Variants in CPEB3 observed in about 807,000 individuals in gnomAD.
CPEB3 encodes cytoplasmic polyadenylation element-binding protein 3.
In CPEB3, 20 loss-of-function variants were observed where a neutral mutation model predicts 67.2. That is an observed-to-expected ratio of 0.30 (90% CI 0.21 to 0.43). The LOEUF (loss-of-function observed/expected upper bound fraction) is 0.43. Ranked by LOEUF, CPEB3 falls within the 20% of genes least tolerant of loss-of-function variation. CPEB3 has a pLI of 1.00. For missense variants in CPEB3, 746 were observed against 968.6 expected (o/e 0.77, Z 3.05); for synonymous variants, 376 against 393.1 (o/e 0.96, Z 0.51).
intron 6 of CPEB3, among the ~76,000 whole-genome samples, chr10:92,135,000 T>C (rs567654513): frequency 6.6e-6 from 1 of 152,238 alleles, no homozygotes; most frequent in South Asian, 2.1e-4. Context: ...TTACAACTTA[T>C]ACAAAAATTA....
At chr10:92,145,157 G>A (rs1372737941) in intron 4 of CPEB3, 72 bp from the exon 5 acceptor site, 3 of 1,553,550 alleles carry the variant, frequency 1.9e-6, no homozygotes, top group Non-Finnish European at 2.7e-6. Flanking sequence ...GATTTTCTAG[G>A]ACAATAAATG....
At chr10:92,165,743 A>G (rs1318875000) in intron 4 of CPEB3, among the ~76,000 whole-genome samples, 1 of 152,164 alleles carries the variant, frequency 6.6e-6, no homozygotes, top group Admixed American at 6.5e-5. Flanking sequence ...AGTAGACTCT[A>G]CCTTAAGAAA....
chr10:92,229,233 T>C (rs1019864356), intron 2 of CPEB3, among the ~76,000 whole-genome samples: 1 of 151,952 alleles, frequency 6.6e-6, no homozygotes, highest in Non-Finnish European at 1.5e-5. Flanking sequence ...AGGGTCTCAC[T>C]ATGTTGCCCA....
intron 6 of CPEB3, among the ~76,000 whole-genome samples, chr10:92,118,223 C>T (rs1044060093): frequency 3.1e-4 from 47 of 152,238 alleles, no homozygotes; most frequent in Middle Eastern, 3.4e-3. Context: ...CCTCTGCCTC[C>T]GGGGTTCAGG....
intron 1 of CPEB3, among the ~76,000 whole-genome samples, chr10:92,242,855 G>C (rs1234762512): frequency 6.6e-6 from 1 of 152,066 alleles, no homozygotes; most frequent in Non-Finnish European, 1.5e-5. Context: ...TTTGCTTTCT[G>C]CATAAATTCA....
intron 6 of CPEB3, among the ~76,000 whole-genome samples, chr10:92,142,252 G>T (rs750340547): frequency 2.6e-5 from 4 of 152,086 alleles, no homozygotes; most frequent in Non-Finnish European, 5.9e-5. Context: ...ATCTTTTTGT[G>T]CTGAGTAATA....
At chr10:92,219,917 G>T (rs1850610890) in intron 2 of CPEB3, among the ~76,000 whole-genome samples, 1 of 152,178 alleles carries the variant, frequency 6.6e-6, no homozygotes, top group East Asian at 1.9e-4. Context: ...CAACACTTTG[G>T]GAGGCTGAAG....
At chr10:92,184,730 G>A (rs1202739573) in intron 3 of CPEB3, among the ~76,000 whole-genome samples, 1 of 152,106 alleles carries the variant, frequency 6.6e-6, no homozygotes. Context: ...ATCATTCACA[G>A]CATCTTTAAG....
chr10:92,216,070 C>T (rs1346917002), intron 2 of CPEB3, among the ~76,000 whole-genome samples: 2 of 139,860 alleles, frequency 1.4e-5, no homozygotes, highest in Non-Finnish European at 3.0e-5. Flanking sequence ...TTTTAATAAG[C>T]GAAGATATCA....
chr10:92,162,207 C>T (rs770459946), intron 4 of CPEB3, among the ~76,000 whole-genome samples: 24 of 151,576 alleles, frequency 1.6e-4, no homozygotes, highest in Middle Eastern at 3.2e-3. Context: ...AGAGCCCATA[C>T]GAATTACCTC....
chr10:92,273,339 C>A (rs1853384971), intron 1 of CPEB3, among the ~76,000 whole-genome samples: 1 of 151,924 alleles, frequency 6.6e-6, no homozygotes, highest in African/African-American at 2.4e-5. Flanking sequence ...TTTTGTATCC[C>A]CAGTATCTCC....
intron 1 of CPEB3, among the ~76,000 whole-genome samples, chr10:92,253,440 C>A (rs1175050795): frequency 3.1e-5 from 3 of 96,900 alleles, no homozygotes; most frequent in Non-Finnish European, 5.6e-5. Context: ...AGCCTGACAA[C>A]AGAGCAAGAC....
At chr10:92,282,428 G>A (rs1194164451) in intron 1 of CPEB3, among the ~76,000 whole-genome samples, 2 of 152,134 alleles carry the variant, frequency 1.3e-5, no homozygotes, top group East Asian at 1.9e-4. Context: ...AGTGGCTCAC[G>A]CCTGTAATCC....
chr10:92,179,270 G>C (rs192071236), intron 4 of CPEB3, among the ~76,000 whole-genome samples: 1 of 152,004 alleles, frequency 6.6e-6, no homozygotes, highest in African/African-American at 2.4e-5. Flanking sequence ...TAAAAGCAGA[G>C]AATTAAAGAA....
At chr10:92,221,332 A>G (rs11818808) in intron 2 of CPEB3, among the ~76,000 whole-genome samples, 19,415 of 152,032 alleles carry the variant, frequency 0.13, 1,426 homozygotes, top group Middle Eastern at 0.21. Context: ...ATCTGTACTA[A>G]AAATACAAAA....
At chr10:92,102,036 A>G (rs1378210222) in intron 7 of CPEB3, among the ~76,000 whole-genome samples, 1 of 152,234 alleles carries the variant, frequency 6.6e-6, no homozygotes, top group Non-Finnish European at 1.5e-5. Flanking sequence ...TAGACTCTTT[A>G]CAGCACACTG....
intron 8 of CPEB3, among the ~76,000 whole-genome samples, chr10:92,086,741 T>TATG (rs1222835875): frequency 6.6e-6 from 1 of 152,234 alleles, no homozygotes; most frequent in African/African-American, 2.4e-5. Context: ...GGCCTGGTTT[T>TATG]ATGCTCTATA....
At position 92,058,424 on chromosome 10, in the gene CPEB3, C is replaced by G. The variant is rs564478071; in HGVS notation, c.1870-5985G>C. ...AATTAGCAGGCATGGTGGCAAGTAA[C>G]TGTAATCCCAGCTACCCAGGAGGCT... On this transcript the variant is annotated intron_variant, in intron 9 of 9. Transcript: ENST00000265997. Among the ~76,000 whole-genome samples the G allele has an allele frequency of 1.0e-3, 159 of 152,162 alleles. 1 individual carries two copies. Among genetic ancestry groups the G allele is most frequent in the African/African-American group, 3.7e-3 (154 of 41,512 alleles).
intron 6 of CPEB3, among the ~76,000 whole-genome samples, chr10:92,133,063 C>T (rs560502678): frequency 6.6e-6 from 1 of 152,078 alleles, no homozygotes; most frequent in Non-Finnish European, 1.5e-5. Context: ...CAAGAGAAAG[C>T]AGGAAAGATC....
Sources: allele counts gnomAD v4.1 joint callset (sites outside exome capture counted in the v4.1 genomes callset), GRCh38; gene constraint gnomAD v4.1.1; transcripts MANE v1.5; gene names NCBI Gene and HGNC (gene_info 2026-07-23, HGNC 2026-07-21).